The following SLC44A5 variants were observed in gnomAD, a reference collection of about 807,000 sequenced individuals.
SLC44A5 encodes the protein choline transporter-like protein 5.
A neutral mutation model predicts 101.8 loss-of-function variants in SLC44A5; 57 were observed. That is an observed-to-expected ratio of 0.56 (90% confidence interval 0.45 to 0.70). The LOEUF (loss-of-function observed/expected upper bound fraction) is 0.70. Among genes scored for constraint, SLC44A5 ranks in the 30% least tolerant of loss-of-function variants. The pLI is 0.00. For synonymous variants in SLC44A5, 281 were observed against 290.9 expected, an observed-to-expected ratio of 0.97 and a Z score of 0.35; for missense variants, 737 against 853.1, an observed-to-expected ratio of 0.86 and a Z score of 1.70.
chr1:75,280,976 A>C (rs1289733775), intron 5 of SLC44A5, among the ~76,000 whole-genome samples: 1 of 152,144 alleles, frequency 6.6e-6, no homozygotes, highest in Non-Finnish European at 1.5e-5. Flanking sequence ...GGGTGCTGCT[A>C]TAAAGACACC....
intron 1 of SLC44A5, among the ~76,000 whole-genome samples, chr1:75,609,019 A>G (rs1675494968): frequency 6.6e-6 from 1 of 151,740 alleles, no homozygotes; most frequent in Non-Finnish European, 1.5e-5. Context: ...TTGTTCCCTG[A>G]TTTATCCCAA....
intron 2 of SLC44A5, among the ~76,000 whole-genome samples, chr1:75,414,282 TATAC>T (rs10567313): frequency 0.26 from 39,082 of 148,354 alleles, 6,366 homozygotes; most frequent in East Asian, 0.81. Context: ...TATACACATA[TATAC>T]ATACATACAT....
At chr1:75,223,868 A>C (rs944048613) in intron 13 of SLC44A5, among the ~76,000 whole-genome samples, 9 of 152,198 alleles carry the variant, frequency 5.9e-5, no homozygotes, top group Non-Finnish European at 1.3e-4. Flanking sequence ...ATTTGAACCC[A>C]AAATTGTGGC....
At chr1:75,517,236 C>T (rs187394550) in intron 2 of SLC44A5, among the ~76,000 whole-genome samples, 9 of 152,036 alleles carry the variant, frequency 5.9e-5, no homozygotes, top group African/African-American at 9.6e-5. Context: ...ATGTGTGAGA[C>T]GCTCCTGCAC....
At chr1:75,302,611 T>G (rs1264524399) in intron 4 of SLC44A5, among the ~76,000 whole-genome samples, 1 of 152,164 alleles carries the variant, frequency 6.6e-6, no homozygotes, top group South Asian at 2.1e-4. Context: ...TGCAGACCTA[T>G]GATAAAGTTT....
the SLC44A5 span, among the ~76,000 whole-genome samples, chr1:75,686,916 G>A: frequency 2.0e-5 from 3 of 152,134 alleles, no homozygotes; most frequent in Admixed American, 2.0e-4. Context: ...TGATATGAGA[G>A]GAAGGAAAAG....
At chr1:75,701,524 T>C in the SLC44A5 span, among the ~76,000 whole-genome samples, 3 of 152,086 alleles carry the variant, frequency 2.0e-5, no homozygotes, top group African/African-American at 7.2e-5. Flanking sequence ...ATAAGAGCTA[T>C]CTATGACAAA....
At chr1:75,368,498 C>T (rs560465335) in intron 3 of SLC44A5, among the ~76,000 whole-genome samples, 1 of 152,328 alleles carries the variant, frequency 6.6e-6, no homozygotes, top group East Asian at 1.9e-4. Context: ...TAAGTAAATA[C>T]TTACCTAATA....
At chr1:75,514,548 T>C (rs1351122047) in intron 2 of SLC44A5, among the ~76,000 whole-genome samples, 1 of 152,224 alleles carries the variant, frequency 6.6e-6, no homozygotes, top group Non-Finnish European at 1.5e-5. Flanking sequence ...TGAGAATCTC[T>C]CTTTCACCAA....
intron 1 of SLC44A5, among the ~76,000 whole-genome samples, chr1:75,570,520 G>A (rs1021969527): frequency 6.6e-6 from 1 of 152,154 alleles, no homozygotes; most frequent in African/African-American, 2.4e-5. Flanking sequence ...AGGCTGAAGA[G>A]GGAGGGACTG....
intron 3 of SLC44A5, among the ~76,000 whole-genome samples, chr1:75,391,099 A>AAAAAT (rs1313624378): frequency 1.3e-5 from 2 of 152,162 alleles, no homozygotes; most frequent in Admixed American, 6.6e-5. Flanking sequence ...TACAATAGCC[A>AAAAAT]AAAATAAAAT....
intron 20 of SLC44A5, among the ~76,000 whole-genome samples, 175 bp from the exon 21 acceptor site, chr1:75,214,164 T>G (rs1300642200): frequency 6.6e-6 from 1 of 152,136 alleles, no homozygotes; most frequent in Non-Finnish European, 1.5e-5. Context: ...CTGACTTATT[T>G]TTAATGTAAA....
chr1:75,501,937 T>G (rs1668982744), intron 2 of SLC44A5, among the ~76,000 whole-genome samples: 1 of 152,192 alleles, frequency 6.6e-6, no homozygotes, highest in Non-Finnish European at 1.5e-5. Context: ...ACACATGTGC[T>G]AAAAATGAAT....
At chr1:75,357,208 G>C in intron 3 of SLC44A5, 2 of 455,844 alleles carry the variant, frequency 4.4e-6, no homozygotes, top group South Asian at 3.1e-5. Context: ...GGCCTTAGTT[G>C]CTGGTGTCTT....
chr1:75,434,094 CA>C (rs1376443935), intron 2 of SLC44A5, among the ~76,000 whole-genome samples: 1 of 152,082 alleles, frequency 6.6e-6, no homozygotes, highest in African/African-American at 2.4e-5. Flanking sequence ...GAGACACAGC[CA>C]AACCACATCA....
intron 1 of SLC44A5, chr1:75,582,112 A>C: frequency 1.4e-6 from 1 of 734,044 alleles, no homozygotes; most frequent in Non-Finnish European, 2.5e-6. Flanking sequence ...AAGTCCAAGA[A>C]CCACACCACA....
intron 2 of SLC44A5, among the ~76,000 whole-genome samples, chr1:75,401,041 G>T (rs967690042): frequency 1.3e-5 from 2 of 152,094 alleles, no homozygotes; most frequent in African/African-American, 2.4e-5. Flanking sequence ...ACTCTGTCCT[G>T]GCTTCCACCC....
chr1:75,592,058 G>T (rs1420009872), intron 1 of SLC44A5, among the ~76,000 whole-genome samples: 1 of 151,936 alleles, frequency 6.6e-6, no homozygotes, highest in East Asian at 1.9e-4. Flanking sequence ...AAATATAAAG[G>T]GCATCCAAAT....
In SLC44A5 at chr1:75,213,872, G is replaced by A. The variant is rs115045510; in HGVS notation, c.1873+47C>T. On this transcript the variant is annotated intron_variant, in intron 21 of 23. Coordinates refer to ENST00000370859, the MANE Select transcript of SLC44A5 (RefSeq NM_001130058.2). ...TTTTGTAGTAAAGCAGTTTTTCCAAGCATCTTTTAAACTTTTTTTTTTATT... is the reference window on the plus strand; with the variant it reads ...TTTTGTAGTAAAGCAGTTTTTCCAAACATCTTTTAAACTTTTTTTTTTATT... The A allele has an allele frequency of 2.2e-3, 3,318 of 1,521,122 alleles. 71 individuals are homozygous for A. In the African/African-American group the frequency reaches 0.042, roughly 19 times the overall value. 94.2% of individuals were successfully genotyped at this position (1,521,122 alleles called of 1,614,324 possible).
Sources: allele counts gnomAD v4.1 joint callset (sites outside exome capture counted in the v4.1 genomes callset), GRCh38; gene constraint gnomAD v4.1.1; transcripts MANE v1.5; gene names NCBI Gene and HGNC (gene_info 2026-07-23, HGNC 2026-07-21).